MAST4: variants seen among roughly 807,000 people sequenced by gnomAD.
MAST4 encodes the protein microtubule-associated serine/threonine-protein kinase 4.
A neutral mutation model predicts 162.7 loss-of-function variants in MAST4; 89 were observed. The ratio of observed to expected loss-of-function variants is 0.55; its 90% CI spans 0.46 to 0.65. The LOEUF (loss-of-function observed/expected upper bound fraction) is 0.65. MAST4 is among the 30% of genes least tolerant of loss of function. The pLI is 0.00. For synonymous variants in MAST4, 1,479 were observed against 1,361.1 expected (o/e 1.09, Z -1.91); for missense variants, 3,153 against 3,374.0 (o/e 0.93, Z 1.62).
chr5:66,819,296 A>G (rs879418585), intron 3 of MAST4, among the ~76,000 whole-genome samples: 3 of 152,160 alleles, frequency 2.0e-5, no homozygotes, highest in Admixed American at 6.5e-5. Flanking sequence ...TAATTTATAT[A>G]TACCTCTCAA....
intron 4 of MAST4, among the ~76,000 whole-genome samples, chr5:66,911,335 A>T (rs1282065802): frequency 6.6e-6 from 1 of 152,194 alleles, no homozygotes; most frequent in Non-Finnish European, 1.5e-5. Context: ...GTGGAATCAC[A>T]TGCAAATGGT....
intron 3 of MAST4, among the ~76,000 whole-genome samples, chr5:66,866,326 T>C (rs2149855719): frequency 6.6e-6 from 1 of 152,280 alleles, no homozygotes; most frequent in Admixed American, 6.5e-5. Context: ...CCTTACAAGG[T>C]TATTAATAAT....
chr5:66,906,233 G>A (rs965413913), intron 4 of MAST4, among the ~76,000 whole-genome samples: 2 of 152,160 alleles, frequency 1.3e-5, no homozygotes, highest in Non-Finnish European at 2.9e-5. Flanking sequence ...AAGGGAAGGA[G>A]GGTATCATGA....
chr5:66,754,927 TA>T (rs1753434328), intron 1 of MAST4, among the ~76,000 whole-genome samples: 2 of 152,106 alleles, frequency 1.3e-5, no homozygotes, highest in Non-Finnish European at 2.9e-5. Context: ...GAGGAAATGA[TA>T]AATGTAAGGT....
At position 67,149,533 on chromosome 5, in the gene MAST4, C is replaced by T. The variant is rs746331722; in HGVS notation, c.3239C>T (p.Ser1080Leu). The change falls in exon 24 of 29, where the codon TCG becomes TTG. Residue 1080 changes from serine to leucine, a missense_variant. Coordinates refer to ENST00000403625, the MANE Select transcript of MAST4 (RefSeq NM_001164664.2). Reference protein sequence around the residue: ...RLESTEKKKISGKVTKSLSAS... With the variant: ...RLESTEKKKILGKVTKSLSAS... ...GAAAGCACAGAAAAAAAGAAAATCT[C>T]GGGGAAAGTCACAAAGTCCCTCTCT... is the stretch of plus-strand genomic sequence containing the variant. 6.0e-5 allele frequency: 97 copies of T among 1,613,598 alleles called. No individual in the cohort carries two copies. The Middle Eastern group carries it at 1.5e-3, about 25-fold the overall frequency.
intron 5 of MAST4, among the ~76,000 whole-genome samples, chr5:67,072,988 G>A (rs1037046589): frequency 6.6e-5 from 10 of 152,178 alleles, no homozygotes; most frequent in Admixed American, 2.0e-4. Context: ...AGTTGTGATG[G>A]TACTTTCAAT....
chr5:66,723,194 T>G (rs1305133880), intron 1 of MAST4, among the ~76,000 whole-genome samples: 1 of 152,148 alleles, frequency 6.6e-6, no homozygotes, highest in Non-Finnish European at 1.5e-5. Context: ...CCATTTTAAA[T>G]CAGGAATCTG....
At chr5:67,003,993 C>T (rs928735160) in intron 4 of MAST4, 1 of 152,292 alleles carries the variant, frequency 6.6e-6, no homozygotes, top group Non-Finnish European at 1.5e-5. Flanking sequence ...CAGCGGCGTC[C>T]TGGCGGAGGA....
intron 4 of MAST4, among the ~76,000 whole-genome samples, chr5:66,951,023 C>T (rs1174173310): frequency 6.6e-6 from 1 of 152,110 alleles, no homozygotes; most frequent in Non-Finnish European, 1.5e-5. Flanking sequence ...GTGAATGTGC[C>T]ATAATGTACT....
chr5:66,957,057 A>T (rs572769567), intron 4 of MAST4, among the ~76,000 whole-genome samples: 98 of 152,266 alleles, frequency 6.4e-4, no homozygotes, highest in African/African-American at 2.4e-3. Flanking sequence ...AGGAAACTGA[A>T]GTGAAAATGT....
At chr5:66,654,992 AAAT>A (rs1484303840) in intron 1 of MAST4, among the ~76,000 whole-genome samples, 2 of 152,294 alleles carry the variant, frequency 1.3e-5, no homozygotes, top group Non-Finnish European at 2.9e-5. Context: ...TCAATATTAT[AAAT>A]AATAATAATA....
chr5:66,933,889 G>T (rs1419426810), intron 4 of MAST4, among the ~76,000 whole-genome samples: 1 of 151,982 alleles, frequency 6.6e-6, no homozygotes, highest in African/African-American at 2.4e-5. Flanking sequence ...ATGAGGTCTT[G>T]CTGTGTTGCC....
chr5:66,727,994 C>G (rs75914901), intron 1 of MAST4, among the ~76,000 whole-genome samples: 3,620 of 152,148 alleles, frequency 0.024, 99 homozygotes, highest in African/African-American at 0.064. Context: ...TGTTGGTTTT[C>G]TCTGATCAAA....
chr5:66,653,691 C>A (rs1165072031), intron 1 of MAST4, among the ~76,000 whole-genome samples: 1 of 152,192 alleles, frequency 6.6e-6, no homozygotes, highest in African/African-American at 2.4e-5. Flanking sequence ...GCAAGGCCAT[C>A]TGAACTCTTC....
intron 2 of MAST4, among the ~76,000 whole-genome samples, chr5:66,762,784 A>T (rs1561314252): frequency 6.6e-6 from 1 of 152,330 alleles, no homozygotes; most frequent in East Asian, 1.9e-4. Flanking sequence ...TAATCCAAGG[A>T]TCTTTTCTTT....
At chr5:67,008,407 T>C (rs1752294987) in intron 4 of MAST4, among the ~76,000 whole-genome samples, 1 of 152,196 alleles carries the variant, frequency 6.6e-6, no homozygotes, top group Admixed American at 6.5e-5. Context: ...GAAAAACTTT[T>C]GGGGGAAACG....
At chr5:66,712,877 A>G (rs1307933687) in intron 1 of MAST4, among the ~76,000 whole-genome samples, 1 of 152,228 alleles carries the variant, frequency 6.6e-6, no homozygotes, top group Non-Finnish European at 1.5e-5. Flanking sequence ...AGTGAAACCT[A>G]TACGTTAGGG....
chr5:67,037,990 T>C (rs895942811), intron 4 of MAST4, among the ~76,000 whole-genome samples: 32 of 152,100 alleles, frequency 2.1e-4, no homozygotes, highest in African/African-American at 7.2e-4. Flanking sequence ...TTTAACAATA[T>C]ATTATGGACA....
chr5:66,627,092 TCA>T (rs1236283053), intron 1 of MAST4, among the ~76,000 whole-genome samples: 4 of 152,198 alleles, frequency 2.6e-5, no homozygotes, highest in Non-Finnish European at 5.9e-5. Flanking sequence ...CTTAATTGAC[TCA>T]CAGTTCAGCA....
Sources: allele counts gnomAD v4.1 joint callset (sites outside exome capture counted in the v4.1 genomes callset), GRCh38; gene constraint gnomAD v4.1.1; transcripts MANE v1.5; gene names NCBI Gene and HGNC (gene_info 2026-07-23, HGNC 2026-07-21).